AOAH: variants seen among roughly 807,000 people sequenced by gnomAD.
The protein encoded by AOAH is acyloxyacyl hydrolase (neutrophil).
A neutral mutation model predicts 92.2 loss-of-function variants in AOAH; 64 were observed. The observed-to-expected ratio is 0.69, with a 90% CI of 0.57 to 0.86. The LOEUF is 0.86. Ranked by LOEUF, AOAH falls within the 40% of genes least tolerant of loss-of-function variation. AOAH has a pLI of 0.00. For synonymous variants in AOAH, 263 were observed against 254.5 expected (o/e 1.03, Z -0.32); for missense variants, 656 against 694.6 (o/e 0.94, Z 0.62).
At chr7:36,678,608 C>CGCGCGCGT (rs1554314449) in intron 2 of AOAH, among the ~76,000 whole-genome samples, 5 of 118,480 alleles carry the variant, frequency 4.2e-5, no homozygotes, top group African/African-American at 1.1e-4. Flanking sequence ...TGTGCGCGCG[C>CGCGCGCGT]GCGCGCGTTA....
At chr7:36,604,374 T>G (rs1419960606) in intron 11 of AOAH, among the ~76,000 whole-genome samples, 1 of 152,238 alleles carries the variant, frequency 6.6e-6, no homozygotes, top group Non-Finnish European at 1.5e-5. Flanking sequence ...AGACTTTACA[T>G]TTTTTGAGGC....
chr7:36,606,450 C>T (rs933329407), intron 11 of AOAH, among the ~76,000 whole-genome samples: 4 of 152,182 alleles, frequency 2.6e-5, no homozygotes, highest in Non-Finnish European at 5.9e-5. Context: ...CCTACTTACC[C>T]TACAGACAAC....
chr7:36,594,832 T>C (rs917936091), intron 11 of AOAH, among the ~76,000 whole-genome samples: 1 of 152,068 alleles, frequency 6.6e-6, no homozygotes, highest in African/African-American at 2.4e-5. Context: ...CAGAAAAAAA[T>C]GCCTTCCCTG....
intron 2 of AOAH, among the ~76,000 whole-genome samples, chr7:36,681,997 A>C (rs1796675393): frequency 6.6e-6 from 1 of 152,246 alleles, no homozygotes; most frequent in South Asian, 2.1e-4. Context: ...TGGATGACAG[A>C]TAAAACTGAG....
Position 36,540,597 on chromosome 7 carries a change from C to A in AOAH, c.1134-106G>T, listed in dbSNP as rs566274253. 1,041 of 1,019,286 alleles carry A rather than the reference C, an allele frequency of 1.0e-3. 3 individuals are homozygous for A. Among genetic ancestry groups the A allele is most frequent in the Non-Finnish European group, 1.2e-3 (863 of 691,720 alleles). 63.1% of individuals were successfully genotyped at this position (1,019,286 alleles called of 1,614,324 possible). A position where few individuals can be genotyped will look rare whatever the true frequency, so the allele number is the denominator to read the frequency against. ...TCACACACACATACGCACACACACA[C>A]ACACAGTGTGGTGGTCATTGGAGCT... On this transcript the variant is annotated intron_variant, in intron 15 of 20. Transcript: ENST00000617537.
chr7:36,514,485 T>G (rs1790223608), intron 20 of AOAH: 6 of 1,535,506 alleles, frequency 3.9e-6, no homozygotes, highest in Non-Finnish European at 4.4e-6. Flanking sequence ...CTGGTTCTGC[T>G]GTCGCATGTC....
rs1167133823 is a variant in AOAH at position 36,594,413 on chromosome 7, T to A, written c.864A>T (p.Leu288=). 1 of 1,613,820 alleles carries A rather than the reference T, an allele frequency of 6.2e-7. No individual in the cohort carries two copies. Among genetic ancestry groups the A allele is most frequent in the East Asian group, 2.2e-5 (1 of 44,888 alleles). The stretch of plus-strand genomic sequence containing the variant: ...CAAGCTCGTTGGTAAGGGCTGTTGG[T>A]AGATTGATGAAAGAGTTCTAAGGAA... The part of the protein sequence containing the change: ...SQMSLNSFIN[L]PTALTNELDW... Residue 288 remains leucine, a synonymous_variant, in exon 12 of 21, where the codon CTA becomes CTT. Coordinates refer to ENST00000617537, the MANE Select transcript of AOAH (RefSeq NM_001637.4).
chr7:36,600,776 G>A (rs753288027), intron 11 of AOAH, among the ~76,000 whole-genome samples: 22 of 152,268 alleles, frequency 1.4e-4, no homozygotes, highest in Non-Finnish European at 2.6e-4. Context: ...GTCCTTGAAC[G>A]TGAGGCTTCC....
At chr7:36,579,277 C>A (rs1788749663) in intron 12 of AOAH, among the ~76,000 whole-genome samples, 4 of 152,086 alleles carry the variant, frequency 2.6e-5, no homozygotes. Flanking sequence ...CCAGCCCAGC[C>A]CAGCCCAGCC....
chr7:36,538,394 T>C (rs1785219744), intron 16 of AOAH, among the ~76,000 whole-genome samples: 1 of 152,198 alleles, frequency 6.6e-6, no homozygotes, highest in Non-Finnish European at 1.5e-5. Flanking sequence ...GAGTCATTCT[T>C]ACCTTTGGTC....
Position 36,517,216 on chromosome 7 carries a change from C to CTTTT in AOAH, c.1600-3837_1600-3836insAAAA, listed in dbSNP as rs1783809061. Among the ~76,000 whole-genome samples the CTTTT allele has an allele frequency of 1.1e-4, 4 of 36,764 alleles. 1 individual carries two copies. The highest frequency in any genetic ancestry group is 2.7e-4 in the Non-Finnish European group (4 of 15,040). 24.1% of individuals were successfully genotyped at this position (36,764 alleles called of 152,430 possible). A position where few individuals can be genotyped will look rare whatever the true frequency, so the allele number is the denominator to read the frequency against. ...TTTCTTTCTTTCTTTCTTTCTTTCT[C>CTTTT]TTTCTTTCTGTCTCTCTCTCTCTCT... On this transcript the variant is annotated intron_variant, in intron 20 of 20. Transcript: ENST00000617537.
chr7:36,529,842 T>C (rs567511211), intron 19 of AOAH, among the ~76,000 whole-genome samples: 1 of 152,324 alleles, frequency 6.6e-6, no homozygotes, highest in South Asian at 2.1e-4. Context: ...CACTCAGCAG[T>C]GACTCCGGTG....
At chr7:36,623,119 A>AT in intron 7 of AOAH, 71 bp downstream of exon 7, 1 of 1,264,286 alleles carries the variant, frequency 7.9e-7, no homozygotes, top group Non-Finnish European at 1.2e-6. Context: ...GTCTTGTCTT[A>AT]TTAAAGGAAA....
At chr7:36,658,831 T>C (rs1420468170) in intron 4 of AOAH, among the ~76,000 whole-genome samples, 2 of 152,186 alleles carry the variant, frequency 1.3e-5, no homozygotes, top group Non-Finnish European at 2.9e-5. Context: ...CAAACTGGCA[T>C]GAGTTGCTCA....
chr7:36,717,522 A>G (rs4723562), intron 1 of AOAH, among the ~76,000 whole-genome samples: 125,126 of 151,898 alleles, frequency 0.82, 51,804 homozygotes, highest in East Asian at 1. Flanking sequence ...CCAGTAGTCA[A>G]CCAAAGGGTG....
chr7:36,541,675 G>T (rs1785435712), intron 15 of AOAH, among the ~76,000 whole-genome samples: 1 of 152,158 alleles, frequency 6.6e-6, no homozygotes, highest in Non-Finnish European at 1.5e-5. Flanking sequence ...CAATGAACTG[G>T]CACATGTACC....
At position 36,599,214 on chromosome 7, in the gene AOAH, C is replaced by G. The variant is rs57631846; in HGVS notation, c.847-4784G>C. 3.7e-3 allele frequency among the ~76,000 whole-genome samples: 562 copies of G among 152,262 alleles called. 2 individuals are homozygous for G. Among genetic ancestry groups the G allele is most frequent in the African/African-American group, 0.013 (541 of 41,538 alleles). On this transcript the variant is annotated intron_variant, in intron 11 of 20. Transcript: ENST00000617537. ...CATGCATCGAGAAAGCCCACTGGTT[C>G]CCATTTTTGATGGATATTTAGTAAA...
intron 2 of AOAH, among the ~76,000 whole-genome samples, chr7:36,678,410 A>G (rs1484098283): frequency 6.6e-6 from 1 of 152,192 alleles, no homozygotes; most frequent in Non-Finnish European, 1.5e-5. Context: ...CTTTGGAAAA[A>G]AGTTAAAAGT....
At chr7:36,698,570 T>C (rs970471327) in intron 1 of AOAH, among the ~76,000 whole-genome samples, 1 of 152,124 alleles carries the variant, frequency 6.6e-6, no homozygotes, top group Non-Finnish European at 1.5e-5. Context: ...TTATAAATTT[T>C]TCCATAAGCA....
Sources: gnomAD v4.1 joint callset for allele counts (sites outside exome capture counted in the v4.1 genomes callset) on GRCh38, gnomAD v4.1.1 for gene constraint, MANE v1.5 for transcripts, NCBI Gene and HGNC (gene_info 2026-07-23, HGNC 2026-07-21) for gene names.